The following PTPRM variants were observed in gnomAD, a reference collection of about 807,000 sequenced individuals.
The protein encoded by PTPRM is receptor-type tyrosine-protein phosphatase mu.
A neutral mutation model predicts 186.7 loss-of-function variants in PTPRM; 47 were observed. That is an observed-to-expected ratio of 0.25 (90% CI 0.20 to 0.32). PTPRM has a LOEUF of 0.32. Among genes scored for constraint, PTPRM ranks in the 10% least tolerant of loss-of-function variants. The pLI, the probability that PTPRM is intolerant of heterozygous loss-of-function variation, is 1.00. For missense variants in PTPRM, 1,494 were observed against 1,865.0 expected, an observed-to-expected ratio of 0.80 and a Z score of 3.66; for synonymous variants, 668 against 674.9, an observed-to-expected ratio of 0.99 and a Z score of 0.16.
Position 8,160,393 on chromosome 18 carries a change from C to T in PTPRM, c.2300+16614C>T, listed in dbSNP as rs28521993. Among the ~76,000 whole-genome samples, 1,138 of 152,254 alleles carry T rather than the reference C, an allele frequency of 7.5e-3. 11 individuals carry two copies. Among genetic ancestry groups the T allele is most frequent in the African/African-American group, 0.027 (1,101 of 41,534 alleles). ...AAACTCCTGGGCTCAAGTGATCCCC[C>T]GTCTCAACCTCCCAAGTAGCTAGGA... On this transcript the variant is annotated intron_variant, in intron 14 of 32. Transcript: ENST00000580170.
intron 11 of PTPRM, among the ~76,000 whole-genome samples, chr18:8,099,329 C>A (rs1193488850): frequency 6.6e-6 from 1 of 152,192 alleles, no homozygotes; most frequent in Non-Finnish European, 1.5e-5. Flanking sequence ...TTGTCCTGGC[C>A]ACCTACTAGC....
chr18:7,832,642 T>G (rs2045820015), intron 2 of PTPRM, among the ~76,000 whole-genome samples: 1 of 152,196 alleles, frequency 6.6e-6, no homozygotes, highest in Non-Finnish European at 1.5e-5. Context: ...TTTGTCCATT[T>G]TGGCTTTTGG....
At chr18:8,365,939 CAATT>C (rs2095626380) in intron 23 of PTPRM, 1 of 152,196 alleles carries the variant, frequency 6.6e-6, no homozygotes, top group South Asian at 2.1e-4. Context: ...CACATTGTAT[CAATT>C]AATCCAGTGG....
chr18:8,246,163 T>G (rs2094475082), intron 15 of PTPRM, among the ~76,000 whole-genome samples: 2 of 152,252 alleles, frequency 1.3e-5, no homozygotes, highest in South Asian at 4.2e-4. Flanking sequence ...AGACAGCAGT[T>G]TCTGGGGAGG....
At chr18:7,587,737 A>G (rs1364542268) in intron 1 of PTPRM, among the ~76,000 whole-genome samples, 2 of 152,144 alleles carry the variant, frequency 1.3e-5, no homozygotes, top group African/African-American at 4.8e-5. Context: ...TATTTATATA[A>G]ATAAATACAC....
chr18:8,093,244 T>C (rs960741192), intron 11 of PTPRM, among the ~76,000 whole-genome samples: 1 of 152,126 alleles, frequency 6.6e-6, no homozygotes, highest in African/African-American at 2.4e-5. Context: ...TTCTCCACGC[T>C]AGGAGCCTTT....
chr18:8,064,635 C>CAGTA (rs1351939024), intron 7 of PTPRM, among the ~76,000 whole-genome samples: 1 of 152,086 alleles, frequency 6.6e-6, no homozygotes, highest in Non-Finnish European at 1.5e-5. Context: ...ATTACATCAC[C>CAGTA]AGTACATAGA....
At chr18:7,960,326 A>G (rs1202370533) in intron 7 of PTPRM, among the ~76,000 whole-genome samples, 2 of 152,088 alleles carry the variant, frequency 1.3e-5, no homozygotes, top group East Asian at 3.9e-4. Flanking sequence ...AATTATCCAT[A>G]AGATGCATAT....
chr18:7,816,853 T>A (rs2044854660), intron 2 of PTPRM, among the ~76,000 whole-genome samples: 1 of 152,228 alleles, frequency 6.6e-6, no homozygotes, highest in Admixed American at 6.5e-5. Context: ...ACACAGTTGA[T>A]CTGAACAACA....
rs372150279 is a variant in PTPRM at position 7,872,598 on chromosome 18, C to T, written c.197-15508C>T. Among the ~76,000 whole-genome samples the T allele has an allele frequency of 2.6e-4, 39 of 152,236 alleles. No individual in the cohort carries two copies. In the East Asian group the frequency reaches 2.7e-3, roughly 11 times the overall value. ...CAGTGGTATTACTTCTTGTACATTT[C>T]TTCCCATTTCCTTGTCGGCAACAAT... On this transcript the variant is annotated intron_variant, in intron 2 of 32. Transcript: ENST00000580170.
chr18:7,956,568 T>C (rs1265214585), intron 7 of PTPRM, among the ~76,000 whole-genome samples: 1 of 152,232 alleles, frequency 6.6e-6, no homozygotes, highest in Non-Finnish European at 1.5e-5. Context: ...ACATCTTTCA[T>C]CTGTTTCTCA....
intron 11 of PTPRM, among the ~76,000 whole-genome samples, chr18:8,102,794 A>G (rs546724018): frequency 6.6e-6 from 1 of 152,324 alleles, no homozygotes; most frequent in African/African-American, 2.4e-5. Flanking sequence ...ACCCCTTTCC[A>G]TTGACTTTGA....
At chr18:7,670,683 G>A (rs1006315336) in intron 1 of PTPRM, among the ~76,000 whole-genome samples, 2 of 152,152 alleles carry the variant, frequency 1.3e-5, no homozygotes, top group African/African-American at 4.8e-5. Flanking sequence ...TTCATATACT[G>A]TCGCTCTTTT....
intron 5 of PTPRM, among the ~76,000 whole-genome samples, chr18:7,942,238 G>A (rs953020291): frequency 1.1e-4 from 17 of 149,778 alleles, no homozygotes; most frequent in Admixed American, 2.7e-4. Flanking sequence ...AGCCAAGATC[G>A]AGCTGCTGCA....
intron 7 of PTPRM, among the ~76,000 whole-genome samples, chr18:8,068,771 T>C (rs896739853): frequency 6.6e-6 from 1 of 152,252 alleles, no homozygotes; most frequent in Non-Finnish European, 1.5e-5. Context: ...TATAAATTAA[T>C]GTTTAAAGAT....
At chr18:8,067,471 C>T (rs371085788) in intron 7 of PTPRM, among the ~76,000 whole-genome samples, 1 of 152,130 alleles carries the variant, frequency 6.6e-6, no homozygotes, top group African/African-American at 2.4e-5. Context: ...ATGCCACTCA[C>T]GATTTCTTGG....
chr18:8,182,528 G>T (rs1240541694), intron 14 of PTPRM, among the ~76,000 whole-genome samples: 3 of 152,118 alleles, frequency 2.0e-5, no homozygotes, highest in African/African-American at 4.8e-5. Flanking sequence ...TTGTTGCTAA[G>T]CTGACTTCCA....
intron 1 of PTPRM, among the ~76,000 whole-genome samples, chr18:7,659,567 C>G (rs2144366685): frequency 6.6e-6 from 1 of 152,330 alleles, no homozygotes; most frequent in South Asian, 2.1e-4. Flanking sequence ...GACATTCCAG[C>G]ACCTACTACA....
chr18:8,048,713 ACTAT>A (rs1391025293), intron 7 of PTPRM, among the ~76,000 whole-genome samples: 1 of 152,218 alleles, frequency 6.6e-6, no homozygotes, highest in South Asian at 2.1e-4. Flanking sequence ...CAAATAGAAA[ACTAT>A]CTAATCATAA....
Sources: allele counts gnomAD v4.1 joint callset (sites outside exome capture counted in the v4.1 genomes callset), GRCh38; gene constraint gnomAD v4.1.1; transcripts MANE v1.5; gene names NCBI Gene and HGNC (gene_info 2026-07-23, HGNC 2026-07-21).